The following ZNF536 variants were observed in gnomAD, a reference collection of about 807,000 sequenced individuals.
ZNF536 encodes the protein zinc finger protein 536.
A neutral mutation model predicts 84.5 loss-of-function variants in ZNF536; 13 were observed. The observed-to-expected ratio is 0.15, with a 90% CI of 0.10 to 0.24. ZNF536 has a LOEUF of 0.24. Among genes scored for constraint, ZNF536 ranks in the 10% least tolerant of loss-of-function variants. The probability of loss-of-function intolerance (pLI) is 1.00; values close to 1 mark genes in which losing one functional copy is unlikely to be tolerated. For synonymous variants in ZNF536, 811 were observed against 742.5 expected (o/e 1.09, Z -1.50); for missense variants, 1,536 against 1,747.5 (o/e 0.88, Z 2.16).
chr19:30,447,357 G>T (rs2052400721), intron 2 of ZNF536, among the ~76,000 whole-genome samples: 1 of 151,994 alleles, frequency 6.6e-6, no homozygotes, highest in Admixed American at 6.6e-5. Flanking sequence ...AAATAAAGTG[G>T]GACTCTGCCG....
At chr19:30,319,656 C>G (rs1258952343) in intron 2 of ZNF536, among the ~76,000 whole-genome samples, 3 of 152,170 alleles carry the variant, frequency 2.0e-5, no homozygotes, top group Non-Finnish European at 2.9e-5. Context: ...AAACCAAACT[C>G]TTATGTAAAT....
chr19:30,372,990 A>G (rs1231212605), intron 1 of ZNF536, among the ~76,000 whole-genome samples: 2 of 152,178 alleles, frequency 1.3e-5, no homozygotes, highest in African/African-American at 4.8e-5. Context: ...CTGAGCTCCA[A>G]ATTTTGCTTT....
At chr19:30,343,491 C>T (rs967699629) in intron 2 of ZNF536, among the ~76,000 whole-genome samples, 1 of 152,132 alleles carries the variant, frequency 6.6e-6, no homozygotes, top group African/African-American at 2.4e-5. Context: ...GGGTGAGGCT[C>T]CGACTTAAGG....
intron 1 of ZNF536, among the ~76,000 whole-genome samples, chr19:30,229,694 A>G (rs1223314325): frequency 5.3e-5 from 8 of 152,200 alleles, no homozygotes; most frequent in Non-Finnish European, 1.2e-4. Flanking sequence ...TGTCATTCTG[A>G]TAGCGGAGTG....
At chr19:30,403,492 C>G (rs754180238) in intron 1 of ZNF536, among the ~76,000 whole-genome samples, 1 of 152,172 alleles carries the variant, frequency 6.6e-6, no homozygotes, top group Non-Finnish European at 1.5e-5. Context: ...AGGACTATCT[C>G]CAATCAGGTC....
chr19:30,476,234 G>A (rs1431232944), intron 2 of ZNF536, among the ~76,000 whole-genome samples: 1 of 152,112 alleles, frequency 6.6e-6, no homozygotes, highest in Admixed American at 6.5e-5. Context: ...GCGCACCTGG[G>A]ACCCCTGAAT....
At chr19:30,569,954 G>A (rs941477937) in intron 1 of ZNF536, among the ~76,000 whole-genome samples, 3 of 152,172 alleles carry the variant, frequency 2.0e-5, no homozygotes, top group Admixed American at 6.5e-5. Flanking sequence ...TAGGGGCAAT[G>A]TTCTCCCCTG....
intron 2 of ZNF536, among the ~76,000 whole-genome samples, chr19:30,309,532 A>G (rs756312756): frequency 3.3e-5 from 5 of 152,234 alleles, no homozygotes; most frequent in African/African-American, 7.2e-5. Flanking sequence ...GCAAAAATCA[A>G]TTTATCTTTC....
chr19:30,568,146 T>A (rs891499899), intron 1 of ZNF536, among the ~76,000 whole-genome samples: 1 of 152,232 alleles, frequency 6.6e-6, no homozygotes, highest in African/African-American at 2.4e-5. Context: ...TGGAGAAGTT[T>A]AAAGAGATAA....
At chr19:30,514,029 C>T (rs761146204) in intron 2 of ZNF536, among the ~76,000 whole-genome samples, 46 of 152,122 alleles carry the variant, frequency 3.0e-4, no homozygotes, top group Non-Finnish European at 6.5e-4. Context: ...TGCACCAGCT[C>T]AGTGAGACCT....
chr19:30,305,946 T>A (rs2046329911), intron 2 of ZNF536, among the ~76,000 whole-genome samples: 1 of 152,248 alleles, frequency 6.6e-6, no homozygotes, highest in Admixed American at 6.5e-5. Flanking sequence ...ATTTAGTGAT[T>A]TGATCTGACA....
chr19:30,359,710 G>T (rs952739535), intron 3 of ZNF536, among the ~76,000 whole-genome samples: 1 of 152,160 alleles, frequency 6.6e-6, no homozygotes, highest in African/African-American at 2.4e-5. Context: ...ACACCACTTG[G>T]GTAAGGGCTG....
intron 1 of ZNF536, among the ~76,000 whole-genome samples, chr19:30,644,518 C>T (rs924649246): frequency 1.3e-5 from 2 of 152,136 alleles, no homozygotes; most frequent in South Asian, 4.1e-4. Flanking sequence ...CCTCCCCCAT[C>T]CTCCCACCCC....
intron 2 of ZNF536, among the ~76,000 whole-genome samples, chr19:30,320,878 A>G (rs992136698): frequency 1.3e-5 from 2 of 152,186 alleles, no homozygotes; most frequent in Non-Finnish European, 1.5e-5. Flanking sequence ...AAACAGAGGC[A>G]CATTCCACAG....
intron 1 of ZNF536, among the ~76,000 whole-genome samples, chr19:30,690,128 A>G (rs1228435019): frequency 1.3e-5 from 2 of 152,184 alleles, no homozygotes; most frequent in Non-Finnish European, 2.9e-5. Context: ...GGCCTCTCCA[A>G]TCATCAAACA....
At chr19:30,591,896 A>T (rs1220407220) in intron 1 of ZNF536, among the ~76,000 whole-genome samples, 2 of 152,202 alleles carry the variant, frequency 1.3e-5, no homozygotes, top group Non-Finnish European at 1.5e-5. Context: ...TAGTACTCAC[A>T]TACTGACTAG....
At chr19:30,267,051 G>A (rs916373644) in intron 1 of ZNF536, among the ~76,000 whole-genome samples, 5 of 152,238 alleles carry the variant, frequency 3.3e-5, no homozygotes, top group African/African-American at 1.2e-4. Context: ...AGATGGCAGA[G>A]TGGAAGAAAT....
chr19:30,606,649 T>A (rs1438704454), intron 1 of ZNF536, among the ~76,000 whole-genome samples: 3 of 152,148 alleles, frequency 2.0e-5, no homozygotes, highest in African/African-American at 4.8e-5. Flanking sequence ...GGTAACACTT[T>A]GTGAAGGAAA....
chr19:30,478,961 G>A (rs572449230), intron 2 of ZNF536, among the ~76,000 whole-genome samples: 25 of 152,240 alleles, frequency 1.6e-4, no homozygotes, highest in Admixed American at 2.6e-4. Context: ...TGGGGACCAC[G>A]GATTCTCTGG....
Sources: gnomAD v4.1 joint callset for allele counts (sites outside exome capture counted in the v4.1 genomes callset) on GRCh38, gnomAD v4.1.1 for gene constraint, MANE v1.5 for transcripts, NCBI Gene and HGNC (gene_info 2026-07-23, HGNC 2026-07-21) for gene names.